RAPGEF5: variants seen among roughly 807,000 people sequenced by gnomAD.
RAPGEF5 encodes the protein Rap guanine nucleotide exchange factor 5.
In RAPGEF5, 65 loss-of-function variants were observed where a neutral mutation model predicts 125.2. That is an observed-to-expected ratio of 0.52 (90% confidence interval 0.43 to 0.64). The LOEUF (loss-of-function observed/expected upper bound fraction) is 0.64, where lower values mean the gene tolerates loss of function less well. Ranked by LOEUF, RAPGEF5 falls within the 30% of genes least tolerant of loss-of-function variation. The probability of loss-of-function intolerance (pLI) is 0.00; values close to 1 mark genes in which losing one functional copy is unlikely to be tolerated. For missense variants in RAPGEF5, 958 were observed against 1,048.1 expected (o/e 0.91, Z 1.19); for synonymous variants, 391 against 385.9 (o/e 1.01, Z -0.16).
intron 9 of RAPGEF5, among the ~76,000 whole-genome samples, chr7:22,219,039 G>A (rs1015636629): frequency 1.3e-5 from 2 of 152,140 alleles, no homozygotes; most frequent in Non-Finnish European, 2.9e-5. Context: ...CCCTTGGAAA[G>A]GGTTGAAAAC....
Position 22,150,475 on chromosome 7 carries a change from C to T in RAPGEF5, c.1816G>A (p.Val606Ile), listed in dbSNP as rs550496694. 54 of 1,565,220 alleles carry T rather than the reference C, an allele frequency of 3.4e-5. No homozygotes were observed. Among genetic ancestry groups the T allele is most frequent in the Non-Finnish European group, 4.3e-5 (50 of 1,159,296 alleles). ...GATGCCTCGAGGGATTTGGAGATGA[C>T]TAAGTCATTTGGCTGAAGTTCATGC... ...EKHELQPNDL[V>I]ISKSLEASGR... The change falls in exon 18 of 26, where the codon GTC becomes ATC. Residue 606 changes from valine (V) to isoleucine (I), a missense_variant. Val to Ile is a conservative substitution (Grantham distance 29, BLOSUM62 3). Transcript: ENST00000665637.
intron 6 of RAPGEF5, among the ~76,000 whole-genome samples, chr7:22,282,073 A>T (rs948539220): frequency 2.0e-5 from 3 of 151,818 alleles, no homozygotes; most frequent in Non-Finnish European, 4.4e-5. Context: ...ATTCATTCAT[A>T]CTCTCCTTTA....
intron 13 of RAPGEF5, among the ~76,000 whole-genome samples, chr7:22,161,755 G>T (rs1784008423): frequency 6.6e-6 from 1 of 152,156 alleles, no homozygotes. Flanking sequence ...GTCTATTTAG[G>T]CAGTTGCCTA....
At chr7:22,290,991 G>A (rs1190282922) in intron 6 of RAPGEF5, among the ~76,000 whole-genome samples, 184 bp downstream of exon 6, 3 of 151,990 alleles carry the variant, frequency 2.0e-5, no homozygotes, top group Non-Finnish European at 4.4e-5. Context: ...TCTCATGAAG[G>A]GAGGCTCCAT....
intron 14 of RAPGEF5, among the ~76,000 whole-genome samples, chr7:22,158,858 T>C (rs1783896340): frequency 6.6e-6 from 1 of 152,198 alleles, no homozygotes; most frequent in Non-Finnish European, 1.5e-5. Context: ...ACTCCTAAAC[T>C]CTTGGACACA....
intron 21 of RAPGEF5, among the ~76,000 whole-genome samples, chr7:22,137,629 T>C (rs9969174): frequency 0.58 from 88,317 of 152,024 alleles, 25,853 homozygotes; most frequent in Middle Eastern, 0.68. Flanking sequence ...AATATTGACT[T>C]AGTAATCTTT....
intron 24 of RAPGEF5, among the ~76,000 whole-genome samples, chr7:22,126,577 T>C (rs1782752419): frequency 6.6e-6 from 1 of 152,206 alleles, no homozygotes; most frequent in South Asian, 2.1e-4. Context: ...GGAAATGAGA[T>C]ACTGACAAAA....
chr7:22,250,677 T>G (rs1278092277), intron 7 of RAPGEF5, among the ~76,000 whole-genome samples: 1 of 152,142 alleles, frequency 6.6e-6, no homozygotes, highest in African/African-American at 2.4e-5. Context: ...AAAAAAGGCC[T>G]TCAGTAGATT....
intron 1 of RAPGEF5, among the ~76,000 whole-genome samples, chr7:22,328,123 G>T (rs1783849300): frequency 2.0e-5 from 3 of 152,304 alleles, no homozygotes; most frequent in East Asian, 3.9e-4. Context: ...GGACGTGGCA[G>T]AGTGCCTGTC....
intron 25 of RAPGEF5, among the ~76,000 whole-genome samples, chr7:22,123,754 C>G (rs4628175): frequency 0.36 from 54,805 of 152,078 alleles, 10,557 homozygotes; most frequent in South Asian, 0.54. Context: ...TTCCAGAATG[C>G]CTTCTCTGGA....
intron 16 of RAPGEF5, among the ~76,000 whole-genome samples, chr7:22,156,284 C>G (rs548279383): frequency 2.0e-5 from 3 of 152,182 alleles, no homozygotes; most frequent in Non-Finnish European, 4.4e-5. Context: ...TCTTATTTCA[C>G]GCAAATAAGC....
intron 8 of RAPGEF5, among the ~76,000 whole-genome samples, chr7:22,227,609 G>C (rs1285646749): frequency 6.6e-6 from 1 of 152,154 alleles, no homozygotes; most frequent in Non-Finnish European, 1.5e-5. Context: ...GGAGGCTGAG[G>C]TGGGCAGACT....
intron 14 of RAPGEF5, among the ~76,000 whole-genome samples, chr7:22,160,098 G>A (rs189514192): frequency 0.012 from 1,870 of 152,192 alleles, 8 homozygotes; most frequent in Non-Finnish European, 0.021. Context: ...AGCAGAGTGA[G>A]ACTATGTCTC....
rs549035949 is a variant in RAPGEF5, at chr7:22,298,047, T to C, written c.681-6806A>G. ...TTTAGCTTGTGAATATGGTGAATTA[T>C]ATTGAATGATTTTTGAGTGTTGAGC... On this transcript the variant is annotated intron_variant, in intron 5 of 25. Transcript: ENST00000665637. 2.6e-5 allele frequency among the ~76,000 whole-genome samples: 4 copies of C among 152,336 alleles called. 1 individual carries two copies. In the South Asian group the frequency reaches 8.3e-4, roughly 32 times the overall value.
Position 22,136,027 on chromosome 7 carries a change from A to G in RAPGEF5, c.2416+11T>C. On this transcript the variant is annotated intron_variant, in intron 23 of 25. Transcript: ENST00000665637. ...TGAAATTACATGGCATAAAAGATAG[A>G]AAATCATTACCTTTAAGCAATAAGG... The G allele has an allele frequency of 2.5e-6, 4 of 1,570,958 alleles. No homozygotes were observed. The highest frequency in any genetic ancestry group is 1.1e-5 in the South Asian group (1 of 86,978).
At position 22,171,124 on chromosome 7, in the gene RAPGEF5, A is replaced by G. The variant is rs181245044; in HGVS notation, c.1205-3976T>C. Among the ~76,000 whole-genome samples the G allele has an allele frequency of 1.4e-4, 22 of 152,210 alleles. 1 individual carries two copies. The highest frequency in any genetic ancestry group is 5.1e-4 in the African/African-American group (21 of 41,544). On this transcript the variant is annotated intron_variant, in intron 11 of 25. Coordinates refer to ENST00000665637, the MANE Select transcript of RAPGEF5 (RefSeq NM_012294.5). ...TGCACTTCAAATAAAAGTGCAATTT[A>G]TAACAGCCATGCTTCCAAAAAAGAG...
chr7:22,284,322 A>G (rs1782747003), intron 6 of RAPGEF5, among the ~76,000 whole-genome samples: 1 of 152,210 alleles, frequency 6.6e-6, no homozygotes, highest in Admixed American at 6.5e-5. Context: ...ACAGACTGAC[A>G]GTCCATAGCC....
chr7:22,332,731 T>A (rs1226094153), intron 1 of RAPGEF5, among the ~76,000 whole-genome samples: 1 of 152,230 alleles, frequency 6.6e-6, no homozygotes, highest in Non-Finnish European at 1.5e-5. Flanking sequence ...CTAAGTCCTA[T>A]GTATCTCAAG....
chr7:22,305,564 T>C (rs961228733), intron 5 of RAPGEF5, among the ~76,000 whole-genome samples: 3 of 152,176 alleles, frequency 2.0e-5, no homozygotes, highest in South Asian at 2.1e-4. Context: ...AAAAATCCAA[T>C]TGCACTCTTT....
Sources: allele counts gnomAD v4.1 joint callset (sites outside exome capture counted in the v4.1 genomes callset), GRCh38; gene constraint gnomAD v4.1.1; transcripts MANE v1.5; gene names NCBI Gene and HGNC (gene_info 2026-07-23, HGNC 2026-07-21).